The following CFTR variants were observed in gnomAD, a reference collection of about 807,000 sequenced individuals.
CFTR encodes cystic fibrosis transmembrane conductance regulator.
Under a neutral mutation model 171.6 loss-of-function variants are expected in CFTR, and 181 were observed. The ratio of observed to expected loss-of-function variants is 1.05; its 90% confidence interval spans 0.93 to 1.19. The LOEUF (loss-of-function observed/expected upper bound fraction) is 1.19. Among genes scored for constraint, CFTR ranks in the 50% most tolerant of loss-of-function variants. The pLI is 0.00. For missense variants in CFTR, 1,968 were observed against 1,734.7 expected (o/e 1.13, Z -2.39); for synonymous variants, 583 against 608.0 (o/e 0.96, Z 0.60).
At chr7:117,493,620 T>C (rs1163811237) in intron 1 of CFTR, among the ~76,000 whole-genome samples, 2 of 152,018 alleles carry the variant, frequency 1.3e-5, no homozygotes, top group Non-Finnish European at 2.9e-5. Flanking sequence ...AGCGTTAGTA[T>C]TGGTCCTCAA....
At chr7:117,597,790 T>A (rs1792157238) in intron 15 of CFTR, among the ~76,000 whole-genome samples, 1 of 148,734 alleles carries the variant, frequency 6.7e-6, no homozygotes, top group Non-Finnish European at 1.5e-5. Flanking sequence ...ACCAAGCCTC[T>A]ACTGTTCTTC....
rs763097577 is a variant in CFTR at position 117,535,368 on chromosome 7, G to T, written c.700G>T (p.Ala234Ser). Residue 234 changes from alanine (A) to serine (S), a missense_variant, in exon 6 of 27, where the codon GCC (alanine) becomes TCC (serine). Transcript: ENST00000003084. ...TGGACTTGGTTTCCTGATAGTCCTT[G>T]CCCTTTTTCAGGCTGGGCTAGGGAG... ...FCGLGFLIVL[A>S]LFQAGLGRMM... 1.9e-6 allele frequency: 3 copies of T among 1,613,910 alleles called. No individual in the cohort carries two copies. The highest frequency in any genetic ancestry group is 2.7e-5 in the African/African-American group (2 of 74,880).
At chr7:117,526,352 C>CAT (rs1798779865) in intron 3 of CFTR, among the ~76,000 whole-genome samples, 1 of 119,538 alleles carries the variant, frequency 8.4e-6, no homozygotes, top group East Asian at 2.4e-4. Context: ...CTCTGGGATG[C>CAT]ATTCAAAGCA....
At position 117,652,951 on chromosome 7, in the gene CFTR, T is replaced by C. The variant is rs769689992; in HGVS notation, c.3963+20T>C. ...GATGAGGTAAGGCTGCTAACTGAAA[T>C]GATTTTGAAAGGGGTAACTCATACC... On this transcript the variant is annotated intron_variant, in intron 24 of 26. Transcript: ENST00000003084. 1.4e-6 allele frequency: 2 copies of C among 1,481,184 alleles called. No individual in the cohort carries two copies. The highest frequency in any genetic ancestry group is 1.9e-6 in the Non-Finnish European group (2 of 1,060,726). 91.8% of individuals were successfully genotyped at this position (1,481,184 alleles called of 1,614,324 possible). A position where few individuals can be genotyped will look rare whatever the true frequency, so the allele number is the denominator to read the frequency against.
intron 3 of CFTR, among the ~76,000 whole-genome samples, chr7:117,518,371 AAT>A (rs1290797212): frequency 4.8e-5 from 7 of 147,032 alleles, no homozygotes; most frequent in Middle Eastern, 3.6e-3. Flanking sequence ...ATTCTAAATA[AAT>A]ATATAATACT....
chr7:117,552,846 A>C (rs1159424661), intron 10 of CFTR, among the ~76,000 whole-genome samples: 1 of 152,186 alleles, frequency 6.6e-6, no homozygotes, highest in Non-Finnish European at 1.5e-5. Flanking sequence ...ACATATGTTC[A>C]GACTGCTGAA....
At chr7:117,514,193 TA>T (rs1014527372) in intron 3 of CFTR, among the ~76,000 whole-genome samples, 32 of 151,248 alleles carry the variant, frequency 2.1e-4, no homozygotes, top group African/African-American at 5.6e-4. Context: ...TTTTTTCTTC[TA>T]AAAAAAAATC....
chr7:117,661,766 C>T (rs910804476), intron 24 of CFTR, among the ~76,000 whole-genome samples: 27 of 152,156 alleles, frequency 1.8e-4, no homozygotes, highest in East Asian at 1.9e-4. Context: ...CTGTGGGAGC[C>T]GCTTTCCACA....
chr7:117,529,163 A>C (rs1461666772), intron 3 of CFTR, among the ~76,000 whole-genome samples: 1 of 90,006 alleles, frequency 1.1e-5, no homozygotes, highest in Non-Finnish European at 1.9e-5. Context: ...TGGCACATAT[A>C]CACCATGGAA....
intron 11 of CFTR, among the ~76,000 whole-genome samples, chr7:117,573,545 C>A (rs1262745502): frequency 1.3e-5 from 2 of 152,084 alleles, no homozygotes; most frequent in Admixed American, 1.3e-4. Context: ...TTACCCTGTC[C>A]AAATTCTCCT....
At chr7:117,513,586 A>G (rs541467508) in intron 3 of CFTR, among the ~76,000 whole-genome samples, 4 of 152,312 alleles carry the variant, frequency 2.6e-5, no homozygotes, top group African/African-American at 9.6e-5. Flanking sequence ...TGAATGAAAT[A>G]TATGTGGGGG....
intron 9 of CFTR, 47 bp from the exon 10 acceptor site, chr7:117,548,594 C>T: frequency 1.3e-6 from 2 of 1,578,050 alleles, no homozygotes; most frequent in Non-Finnish European, 1.7e-6. Context: ...ACAAACTCAT[C>T]TTTTATTTTT....
chr7:117,549,450 C>T (rs1178961297), intron 10 of CFTR, among the ~76,000 whole-genome samples: 1 of 152,006 alleles, frequency 6.6e-6, no homozygotes, highest in Non-Finnish European at 1.5e-5. Flanking sequence ...AGCAAAAGGA[C>T]CAAAACTTTA....
chr7:117,658,756 A>G (rs965880848), intron 24 of CFTR, among the ~76,000 whole-genome samples: 2 of 152,128 alleles, frequency 1.3e-5, no homozygotes, highest in Admixed American at 6.6e-5. Flanking sequence ...CCTGGGGAGT[A>G]TCTGAAATAT....
At chr7:117,521,056 A>G (rs1222173296) in intron 3 of CFTR, among the ~76,000 whole-genome samples, 1 of 151,960 alleles carries the variant, frequency 6.6e-6, no homozygotes, top group African/African-American at 2.4e-5. Context: ...TGTGAGATGT[A>G]TATTTTAAGA....
At chr7:117,559,378 C>T (rs1211317970) in intron 10 of CFTR, 86 bp from the exon 11 acceptor site, 1 of 869,436 alleles carries the variant, frequency 1.2e-6, no homozygotes, top group African/African-American at 1.7e-5. Flanking sequence ...TAAGAATATA[C>T]ACTTCTGCTT....
intron 8 of CFTR, among the ~76,000 whole-genome samples, chr7:117,540,968 C>T (rs1332769581): frequency 6.6e-6 from 1 of 152,178 alleles, no homozygotes; most frequent in Non-Finnish European, 1.5e-5. Context: ...CACACACACT[C>T]ATGTGTGCAG....
rs193922527 is a variant in CFTR at position 117,666,871 on chromosome 7, CT to C, written c.4243-35del. 787 of 1,593,630 alleles carry C rather than the reference CT, an allele frequency of 4.9e-4. 7 individuals carry two copies. Among genetic ancestry groups the C allele is most frequent in the Admixed American group, 1.3e-4 (8 of 59,934 alleles). On this transcript the variant is annotated intron_variant, in intron 26 of 26. Transcript: ENST00000003084. The stretch of plus-strand genomic sequence containing the variant: ...CTGTCCCTGCTCTGGTCTGACCTGC[CT>C]TCTGTCCCAGATCTCACTAACAGCC...
intron 2 of CFTR, among the ~76,000 whole-genome samples, chr7:117,507,401 T>C (rs749120392): frequency 1.7e-4 from 26 of 152,236 alleles, no homozygotes; most frequent in Non-Finnish European, 3.4e-4. Flanking sequence ...CCAGGGTCAC[T>C]AGAGACCTCT....
Sources: gnomAD v4.1 joint callset for allele counts (sites outside exome capture counted in the v4.1 genomes callset) on GRCh38, gnomAD v4.1.1 for gene constraint, MANE v1.5 for transcripts, NCBI Gene and HGNC (gene_info 2026-07-23, HGNC 2026-07-21) for gene names.